NALF1: variants seen among roughly 807,000 people sequenced by gnomAD.
NALF1 encodes family with sequence similarity 155 member A.
In NALF1, 3 loss-of-function variants were observed where a neutral mutation model predicts 48.4. The ratio of observed to expected loss-of-function variants is 0.06; its 90% CI spans 0.03 to 0.16. The LOEUF is 0.16. Ranked by LOEUF, NALF1 falls within the 10% of genes least tolerant of loss-of-function variation. NALF1 has a pLI of 1.00. For missense variants in NALF1, 526 were observed against 571.5 expected, an observed-to-expected ratio of 0.92 and a Z score of 0.81; for synonymous variants, 262 against 245.7, an observed-to-expected ratio of 1.07 and a Z score of -0.62.
At chr13:107,247,290 A>G (rs552469303) in intron 1 of NALF1, among the ~76,000 whole-genome samples, 2 of 152,330 alleles carry the variant, frequency 1.3e-5, no homozygotes, top group African/African-American at 4.8e-5. Context: ...ATAAAAATCC[A>G]TTTATTTTAA....
chr13:107,389,891 A>C (rs1372022192), intron 1 of NALF1, among the ~76,000 whole-genome samples: 1 of 152,192 alleles, frequency 6.6e-6, no homozygotes, highest in Non-Finnish European at 1.5e-5. Context: ...AATTAAATCA[A>C]AGAACTTAGA....
intron 1 of NALF1, among the ~76,000 whole-genome samples, chr13:107,669,219 T>C (rs1297965417): frequency 1.3e-5 from 2 of 152,126 alleles, no homozygotes; most frequent in Non-Finnish European, 2.9e-5. Flanking sequence ...CTCAATATAA[T>C]TGAGAAATGC....
At chr13:107,370,059 C>T (rs919197252) in intron 1 of NALF1, among the ~76,000 whole-genome samples, 3 of 152,160 alleles carry the variant, frequency 2.0e-5, no homozygotes, top group African/African-American at 7.2e-5. Flanking sequence ...CCGAATCATG[C>T]ACATGTTACT....
At chr13:107,632,933 AG>A (rs1879872224) in intron 1 of NALF1, among the ~76,000 whole-genome samples, 1 of 149,786 alleles carries the variant, frequency 6.7e-6, no homozygotes, top group Non-Finnish European at 1.5e-5. Context: ...AGGAATGGCA[AG>A]GTGTGTGGAT....
intron 2 of NALF1, among the ~76,000 whole-genome samples, chr13:107,194,038 A>G (rs1343762171): frequency 1.4e-5 from 2 of 147,986 alleles, no homozygotes; most frequent in South Asian, 2.1e-4. Context: ...CTATCTATCT[A>G]TCTATCTATC....
intron 1 of NALF1, among the ~76,000 whole-genome samples, chr13:107,524,654 A>G (rs1303461081): frequency 6.6e-6 from 1 of 152,124 alleles, no homozygotes; most frequent in Non-Finnish European, 1.5e-5. Context: ...GCCTCAAAGC[A>G]CTTTGCAGCC....
chr13:107,339,600 T>C (rs891872541), intron 1 of NALF1, among the ~76,000 whole-genome samples: 2 of 152,048 alleles, frequency 1.3e-5, no homozygotes, highest in African/African-American at 2.4e-5. Flanking sequence ...AGCAGAGGAG[T>C]ATGTGATTTC....
At chr13:107,417,713 T>C (rs1383561622) in intron 1 of NALF1, among the ~76,000 whole-genome samples, 1 of 152,156 alleles carries the variant, frequency 6.6e-6, no homozygotes, top group East Asian at 1.9e-4. Context: ...ATGGAAGGAT[T>C]TTTAAGAATT....
rs146214363 is a variant in NALF1, at chr13:107,371,061, A to G, written c.916-160306T>C. ...GGGGACACCGCCAAACCATATCAATAGTAAACTTGGAATTCAGAGATACAC... is the reference window on the plus strand; with the variant it reads ...GGGGACACCGCCAAACCATATCAATGGTAAACTTGGAATTCAGAGATACAC... On this transcript the variant is annotated intron_variant, in intron 1 of 2. Coordinates refer to ENST00000375915, the MANE Select transcript of NALF1 (RefSeq NM_001080396.3). Among the ~76,000 whole-genome samples, 217 of 152,356 alleles carry G rather than the reference A, an allele frequency of 1.4e-3. 2 individuals are homozygous for G. Among genetic ancestry groups the G allele is most frequent in the African/African-American group, 4.9e-3 (203 of 41,586 alleles).
intron 2 of NALF1, among the ~76,000 whole-genome samples, chr13:107,182,308 T>C (rs1879083213): frequency 6.6e-6 from 1 of 151,878 alleles, no homozygotes; most frequent in Non-Finnish European, 1.5e-5. Flanking sequence ...TCTGGCTCTG[T>C]CACTCAGGCT....
rs528530240 is a variant in NALF1, at chr13:107,283,808, C to T, written c.916-73053G>A. 3.6e-4 allele frequency among the ~76,000 whole-genome samples: 54 copies of T among 151,900 alleles called. 1 individual carries two copies. In the South Asian group the frequency reaches 0.01, roughly 29 times the overall value. ...CTGAGTAGCTCGGACTACAGGCGCC[C>T]GCCACTATGCCCGGCTAATTTTTGT... On this transcript the variant is annotated intron_variant, in intron 1 of 2. Transcript: ENST00000375915.
chr13:107,246,281 C>T (rs1186137485), intron 1 of NALF1, among the ~76,000 whole-genome samples: 2 of 152,134 alleles, frequency 1.3e-5, no homozygotes, highest in African/African-American at 2.4e-5. Flanking sequence ...ATATTCAGTT[C>T]ACATCATACA....
chr13:107,370,925 T>A (rs1006761423), intron 1 of NALF1, among the ~76,000 whole-genome samples: 2 of 152,152 alleles, frequency 1.3e-5, no homozygotes, highest in African/African-American at 4.8e-5. Context: ...TTGCTCATTC[T>A]CAAGAGGACA....
chr13:107,374,549 T>C (rs1883303231), intron 1 of NALF1, among the ~76,000 whole-genome samples: 1 of 151,450 alleles, frequency 6.6e-6, no homozygotes, highest in Non-Finnish European at 1.5e-5. Flanking sequence ...ATAATCAACA[T>C]GGTATTGCTC....
chr13:107,684,677 T>C (rs1028707266), intron 1 of NALF1, among the ~76,000 whole-genome samples: 1 of 152,174 alleles, frequency 6.6e-6, no homozygotes, highest in African/African-American at 2.4e-5. Flanking sequence ...TGGAAAGACA[T>C]GAAAAAAACC....
chr13:107,561,489 G>T (rs116842955), intron 1 of NALF1, among the ~76,000 whole-genome samples: 1 of 152,072 alleles, frequency 6.6e-6, no homozygotes, highest in Non-Finnish European at 1.5e-5. Context: ...GTATCATATC[G>T]GAAGGACTCA....
At chr13:107,549,277 G>A (rs539032708) in intron 1 of NALF1, among the ~76,000 whole-genome samples, 2 of 152,234 alleles carry the variant, frequency 1.3e-5, no homozygotes, top group African/African-American at 4.8e-5. Flanking sequence ...ACAGTAAAGA[G>A]AATATGAAGG....
rs9301260 is a variant in NALF1 at position 107,814,539 on chromosome 13, G to A, written c.915+51143C>T. On this transcript the variant is annotated intron_variant, in intron 1 of 2. Coordinates refer to ENST00000375915, the MANE Select transcript of NALF1 (RefSeq NM_001080396.3). ...AAAGCTGGAGTTGCTATACTGATAT[G>A]AGAAAAAATAGACATGAAAACAACA... Among the ~76,000 whole-genome samples, 779 of 151,968 alleles carry A rather than the reference G, an allele frequency of 5.1e-3. 9 individuals carry two copies. The highest frequency in any genetic ancestry group is 0.018 in the African/African-American group (742 of 41,420).
chr13:107,576,412 G>C (rs1213657439), intron 1 of NALF1, among the ~76,000 whole-genome samples: 3 of 152,026 alleles, frequency 2.0e-5, no homozygotes, highest in Non-Finnish European at 2.9e-5. Context: ...TCTTTGCTTG[G>C]ACTAAGTTTA....
Sources: gnomAD v4.1 joint callset for allele counts (sites outside exome capture counted in the v4.1 genomes callset) on GRCh38, gnomAD v4.1.1 for gene constraint, MANE v1.5 for transcripts, NCBI Gene and HGNC (gene_info 2026-07-23, HGNC 2026-07-21) for gene names.